Variants in KCTD1 observed in about 807,000 individuals in gnomAD.
KCTD1 encodes the protein BTB/POZ domain-containing protein KCTD1.
Under a neutral mutation model 66.0 loss-of-function variants are expected in KCTD1, and 24 were observed. The observed-to-expected ratio is 0.36, with a 90% CI of 0.26 to 0.51. The LOEUF is 0.51. Ranked by LOEUF, KCTD1 falls within the 20% of genes least tolerant of loss-of-function variation. KCTD1 has a pLI of 0.95. For missense variants in KCTD1, 943 were observed against 1,205.2 expected (o/e 0.78, Z 3.22); for synonymous variants, 511 against 517.2 (o/e 0.99, Z 0.16).
chr18:26,546,986 G>C lies in KCTD1; in HGVS notation c.1551C>G (p.Pro517=). The change falls in exon 1 of 5, where the codon CCC becomes CCG. Residue 517 remains proline (P), a synonymous_variant. Transcript: ENST00000580059. ...PPSLGNTYIL[P]KDSQVGPDVK... is the part of the protein sequence containing the mutation. ...CGTCGGGCCCGACCTGGCTGTCTTT[G>C]GGGAGGATGTAAGTGTTCCCCAGCG... The C allele has an allele frequency of 6.7e-7, 1 of 1,482,432 alleles. No individual in the cohort carries two copies. The highest frequency in any genetic ancestry group is 1.4e-5 in the South Asian group (1 of 73,378). The allele number at this position is 1,482,432 out of a possible 1,614,324, so 91.8% of individuals were successfully genotyped here.
intron 2 of KCTD1, among the ~76,000 whole-genome samples, chr18:26,496,420 C>G (rs1381295816): frequency 6.6e-6 from 1 of 151,996 alleles, no homozygotes; most frequent in Non-Finnish European, 1.5e-5. Flanking sequence ...GATTACAATT[C>G]AAAATGGCAG....
chr18:26,513,937 A>G (rs1983489543), intron 1 of KCTD1, among the ~76,000 whole-genome samples: 1 of 152,248 alleles, frequency 6.6e-6, no homozygotes, highest in Admixed American at 6.5e-5. Flanking sequence ...GGAAGATTAC[A>G]TTTTAATCAC....
chr18:26,632,888 A>G (rs140110782), upstream of KCTD1, among the ~76,000 whole-genome samples: 1 of 152,216 alleles, frequency 6.6e-6, no homozygotes, highest in African/African-American at 2.4e-5. Flanking sequence ...CCAAAGAAAT[A>G]TAGAAATTTT....
intron 1 of KCTD1, among the ~76,000 whole-genome samples, chr18:26,620,833 CTT>C (rs67862567): frequency 0.19 from 22,830 of 118,484 alleles, 1,634 homozygotes; most frequent in Middle Eastern, 0.31. Context: ...ACTTGAAAAG[CTT>C]TTTTTTTTTT....
intron 1 of KCTD1, among the ~76,000 whole-genome samples, chr18:26,558,564 T>G (rs1056074593): frequency 3.3e-5 from 5 of 152,106 alleles, no homozygotes; most frequent in Non-Finnish European, 5.9e-5. Context: ...TAAGTGTCCA[T>G]CAACAGATGA....
At chr18:26,475,609 G>A (rs963212289) in intron 3 of KCTD1, among the ~76,000 whole-genome samples, 2 of 152,164 alleles carry the variant, frequency 1.3e-5, no homozygotes, top group African/African-American at 4.8e-5. Context: ...CCAGCACTTT[G>A]GGAGGCTGAG....
Position 26,455,535 on chromosome 18 carries a change from A to ATT in KCTD1, c.*206_*207dup, listed in dbSNP as rs1008384720. ...CCTACCTTTTGACATATATATATAT[A>ATT]TTTATATATTTTTTACACCTTGAGG... On this transcript the variant is annotated 3_prime_UTR_variant, in exon 5 of 5. Coordinates refer to ENST00000580059, the MANE Select transcript of KCTD1 (RefSeq NM_001142730.3). 3.2e-6 allele frequency: 1 copy of ATT among 308,338 alleles called. No individual in the cohort carries two copies. The highest frequency in any genetic ancestry group is 2.3e-5 in the African/African-American group (1 of 42,990). 19.1% of individuals were successfully genotyped at this position (308,338 alleles called of 1,614,324 possible).
intron 2 of KCTD1, among the ~76,000 whole-genome samples, chr18:26,498,158 A>T (rs1347181358): frequency 6.6e-6 from 1 of 152,168 alleles, no homozygotes; most frequent in Non-Finnish European, 1.5e-5. Flanking sequence ...ACCTTTCCAT[A>T]GCCAAAGAAC....
At chr18:26,551,799 G>T (rs2144857857), upstream of KCTD1, among the ~76,000 whole-genome samples, 1 of 152,200 alleles carries the variant, frequency 6.6e-6, no homozygotes, top group African/African-American at 2.4e-5. Flanking sequence ...AATCAAAAAA[G>T]CTTTCTTCTT....
At chr18:26,597,446 T>C (rs1986792104) in intron 1 of KCTD1, among the ~76,000 whole-genome samples, 1 of 152,112 alleles carries the variant, frequency 6.6e-6, no homozygotes, top group South Asian at 2.1e-4. Context: ...GGAAGATAAC[T>C]ACCCTGTGAT....
rs968615706 is a variant in KCTD1 at position 26,468,606 on chromosome 18, C to T, written c.2133+7909G>A. On this transcript the variant is annotated intron_variant, in intron 3 of 4. Coordinates refer to ENST00000580059, the MANE Select transcript of KCTD1 (RefSeq NM_001142730.3). This position sits in a 1 kb window ranked among gnomAD's most constrained non-coding sequence, Gnocchi z 4.8. ...CAACACTTTGGGATGCTGAGGTGGG[C>T]GGATCATTTGAGGTCAGGAGTTTGA... Among the ~76,000 whole-genome samples, 2 of 152,154 alleles carry T rather than the reference C, an allele frequency of 1.3e-5. No individual in the cohort carries two copies. Among genetic ancestry groups the T allele is most frequent in the African/African-American group, 2.4e-5 (1 of 41,490 alleles).
intron 1 of KCTD1, among the ~76,000 whole-genome samples, chr18:26,620,034 A>C (rs1039390430): frequency 6.6e-6 from 1 of 152,130 alleles, no homozygotes; most frequent in African/African-American, 2.4e-5. Flanking sequence ...GCATAATGGT[A>C]GTTGCTATTT....
chr18:26,553,694 T>C (rs1487571977), intron 1 of KCTD1, among the ~76,000 whole-genome samples: 2 of 152,208 alleles, frequency 1.3e-5, no homozygotes, highest in African/African-American at 4.8e-5. Context: ...GAGAATTAAA[T>C]AAGTTGATAT....
At chr18:26,461,219 C>T (rs1484252927) in intron 3 of KCTD1, among the ~76,000 whole-genome samples, 1 of 152,228 alleles carries the variant, frequency 6.6e-6, no homozygotes, top group African/African-American at 2.4e-5. Flanking sequence ...CATTATTCAA[C>T]GCTTCCAGAG....
At chr18:26,565,515 T>G (rs1985962251) in intron 1 of KCTD1, among the ~76,000 whole-genome samples, 1 of 152,222 alleles carries the variant, frequency 6.6e-6, no homozygotes, top group Admixed American at 6.5e-5. Context: ...TTGAAAAGTT[T>G]TTCCTTTTCA....
chr18:26,588,959 C>T (rs1165458369), intron 1 of KCTD1, among the ~76,000 whole-genome samples: 1 of 151,364 alleles, frequency 6.6e-6, no homozygotes, highest in Admixed American at 6.6e-5. Context: ...AGCATGAACT[C>T]AGATCCCTAG....
At chr18:26,614,092 CAT>C (rs1234852349) in intron 1 of KCTD1, among the ~76,000 whole-genome samples, 6 of 152,234 alleles carry the variant, frequency 3.9e-5, no homozygotes, top group African/African-American at 1.4e-4. Flanking sequence ...AATATCTACA[CAT>C]ATACGTTGAT....
intron 1 of KCTD1, among the ~76,000 whole-genome samples, chr18:26,647,338 C>CCCCA (rs1555649536): frequency 6.7e-6 from 1 of 149,340 alleles, no homozygotes; most frequent in African/African-American, 2.5e-5. Flanking sequence ...GAAACCCCCC[C>CCCCA]CCCATCTCTA....
intron 1 of KCTD1, among the ~76,000 whole-genome samples, chr18:26,570,566 G>A (rs1986084283): frequency 6.6e-6 from 1 of 151,922 alleles, no homozygotes; most frequent in African/African-American, 2.4e-5. Context: ...GTGCCACCAG[G>A]TCTGGCTAGT....
Sources: gnomAD v4.1 joint callset for allele counts (sites outside exome capture counted in the v4.1 genomes callset) on GRCh38, gnomAD v4.1.1 for gene constraint, Gnocchi (gnomAD v3.1) non-coding constraint, MANE v1.5 for transcripts, NCBI Gene and HGNC (gene_info 2026-07-23, HGNC 2026-07-21) for gene names.